Variants in WAC observed in about 807,000 individuals in gnomAD.
WAC encodes the protein WW domain containing adaptor with coiled-coil, also known as WW domain-containing adapter protein with coiled-coil.
A neutral mutation model predicts 79.6 loss-of-function variants in WAC; 11 were observed. The observed-to-expected ratio is 0.14, with a 90% CI of 0.09 to 0.23. The LOEUF is 0.23. WAC is among the 10% of genes least tolerant of loss of function. The pLI, the probability that WAC is intolerant of heterozygous loss-of-function variation, is 1.00. For synonymous variants in WAC, 304 were observed against 276.9 expected, an observed-to-expected ratio of 1.10 and a Z score of -0.97; for missense variants, 728 against 773.5, an observed-to-expected ratio of 0.94 and a Z score of 0.70.
intron 3 of WAC, among the ~76,000 whole-genome samples, chr10:28,560,301 T>A (rs929345319): frequency 2.0e-5 from 3 of 152,102 alleles, no homozygotes; most frequent in African/African-American, 4.8e-5. Flanking sequence ...CTAGGAGGTC[T>A]AGCGAGCCGT....
chr10:28,586,361 G>A (rs1488915826), intron 4 of WAC, among the ~76,000 whole-genome samples: 1 of 152,060 alleles, frequency 6.6e-6, no homozygotes, highest in Non-Finnish European at 1.5e-5. Flanking sequence ...GAAAAGCTTG[G>A]TGAATGCCTC....
chr10:28,583,299 T>C (rs1018125352), intron 3 of WAC, 100 bp from the exon 4 acceptor site: 1 of 839,186 alleles, frequency 1.2e-6, no homozygotes, highest in Non-Finnish European at 1.8e-6. Context: ...AAGATGTTCG[T>C]TTAGAGATAT....
At chr10:28,562,075 A>G (rs1158867092) in intron 3 of WAC, among the ~76,000 whole-genome samples, 1 of 152,070 alleles carries the variant, frequency 6.6e-6, no homozygotes, top group African/African-American at 2.4e-5. Flanking sequence ...TTTCTTTTTG[A>G]GATGGAGTCA....
At chr10:28,585,172 C>T (rs534712487) in intron 4 of WAC, among the ~76,000 whole-genome samples, 1 of 152,118 alleles carries the variant, frequency 6.6e-6, no homozygotes, top group African/African-American at 2.4e-5. Flanking sequence ...GTAACACATA[C>T]AGTAATCACC....
At chr10:28,559,135 G>GGTGT (rs750941388) in intron 3 of WAC, among the ~76,000 whole-genome samples, 208 of 64,804 alleles carry the variant, frequency 3.2e-3, no homozygotes, top group South Asian at 0.015. Flanking sequence ...CGAGAAACCT[G>GGTGT]ATGTGTGTGT....
intron 7 of WAC, among the ~76,000 whole-genome samples, chr10:28,605,051 G>A (rs1034062774): frequency 2.0e-5 from 3 of 152,166 alleles, no homozygotes; most frequent in African/African-American, 4.8e-5. Flanking sequence ...TTGGAAGGAC[G>A]TTTGTATGTG....
chr10:28,533,593 C>A lies in WAC; in HGVS notation c.14C>A (p.Ala5Glu). 6.3e-7 allele frequency: 1 copy of A among 1,586,742 alleles called. No individual in the cohort carries two copies. The highest frequency in any genetic ancestry group is 8.6e-7 in the Non-Finnish European group (1 of 1,166,084). Reference protein sequence around the residue: MVMYARKQQRLSDGC... With the variant: MVMYERKQQRLSDGC... ...GGCCGGGCATTGATGGTAATGTATG[C>A]GAGGAAACAGCAGAGACTCAGTGAT... is the stretch of plus-strand genomic sequence containing the variant. The change falls in exon 1 of 14, where the codon GCG (alanine) becomes GAG (glutamate). Residue 5 changes from alanine (A) to glutamate (E), a missense_variant. Ala to Glu is a moderately radical substitution (Grantham distance 107). This residue lies in a region of WAC where 648 missense variants were observed against 661.5 expected (regional missense o/e 0.98). Coordinates refer to ENST00000354911, the MANE Select transcript of WAC (RefSeq NM_016628.5).
intron 10 of WAC, among the ~76,000 whole-genome samples, chr10:28,613,477 G>A (rs1232809258): frequency 1.3e-5 from 2 of 152,126 alleles, no homozygotes; most frequent in East Asian, 3.9e-4. Flanking sequence ...CTGCACTTGA[G>A]AGTAGGCAAC....
intron 3 of WAC, among the ~76,000 whole-genome samples, chr10:28,567,026 GTACTT>G (rs1481905245): frequency 1.3e-5 from 2 of 149,520 alleles, no homozygotes; most frequent in Non-Finnish European, 3.0e-5. Context: ...TTATCTCTAA[GTACTT>G]TACATTTTTG....
At position 28,621,669 on chromosome 10, in the gene WAC, T is replaced by C. The variant is rs1180306773; in HGVS notation, c.*2063T>C. ...GTTCAGCTAGAAACCTTACTGTATC[T>C]TTCCTGGAAAGAAGTGAGCAATTTG... On this transcript the variant is annotated 3_prime_UTR_variant, in exon 14 of 14. Transcript: ENST00000354911. 1 of 152,220 alleles carries C rather than the reference T, an allele frequency of 6.6e-6. No individual in the cohort carries two copies. The allele number at this position is 152,220 out of a possible 1,614,324, so 9.4% of individuals were successfully genotyped here.
chr10:28,553,310 G>T (rs1837798994), intron 3 of WAC, among the ~76,000 whole-genome samples: 1 of 152,048 alleles, frequency 6.6e-6, no homozygotes, highest in Non-Finnish European at 1.5e-5. Context: ...TGTTAATACA[G>T]CTTTCAATTT....
intron 6 of WAC, chr10:28,591,683 G>A (rs557935265): frequency 7.2e-5 from 11 of 152,144 alleles, no homozygotes; most frequent in African/African-American, 2.4e-4. Flanking sequence ...GCAACATGGC[G>A]AGACCCAGTG....
intron 2 of WAC, chr10:28,535,335 G>GT (rs1292434190): frequency 9.3e-5 from 27 of 291,438 alleles, no homozygotes; most frequent in Non-Finnish European, 1.5e-4. Context: ...AATGGAGTGG[G>GT]TTTTTTTTGT....
At chr10:28,537,547 AT>A (rs2132320601) in intron 3 of WAC, 1 of 152,318 alleles carries the variant, frequency 6.6e-6, no homozygotes, top group South Asian at 2.1e-4. Flanking sequence ...GCTTTCAATC[AT>A]TTCCAGCAAA....
At chr10:28,603,600 A>G (rs1230416757) in intron 7 of WAC, among the ~76,000 whole-genome samples, 1 of 152,104 alleles carries the variant, frequency 6.6e-6, no homozygotes, top group Non-Finnish European at 1.5e-5. Flanking sequence ...AACAAATTAG[A>G]CAAAAAGGTT....
At chr10:28,558,189 TAGAG>T (rs1838103759) in intron 3 of WAC, among the ~76,000 whole-genome samples, 1 of 152,236 alleles carries the variant, frequency 6.6e-6, no homozygotes, top group Admixed American at 6.5e-5. Flanking sequence ...ACTCAATCTT[TAGAG>T]AGAAAACTTT....
At chr10:28,535,531 T>G (rs1182518483) in intron 2 of WAC, 31 bp from the exon 3 acceptor site, 3 of 1,527,652 alleles carry the variant, frequency 2.0e-6, no homozygotes, top group East Asian at 2.4e-5. Context: ...CAATTCTTTC[T>G]CTCTTTTTTT....
chr10:28,601,652 C>T (rs1300914170), intron 7 of WAC, among the ~76,000 whole-genome samples: 1 of 152,092 alleles, frequency 6.6e-6, no homozygotes, highest in Non-Finnish European at 1.5e-5. Context: ...TAGAAACAAT[C>T]AAGTGTTCAT....
intron 3 of WAC, among the ~76,000 whole-genome samples, chr10:28,582,080 T>A (rs777202973): frequency 2.0e-4 from 30 of 152,248 alleles, no homozygotes; most frequent in Non-Finnish European, 4.4e-4. Flanking sequence ...TTTGATCTTT[T>A]GTGACATCAC....
Sources: allele counts gnomAD v4.1 joint callset (sites outside exome capture counted in the v4.1 genomes callset), GRCh38; gene constraint gnomAD v4.1.1; regional missense constraint gnomAD v4.1.1; transcripts MANE v1.5; gene names NCBI Gene and HGNC (gene_info 2026-07-23, HGNC 2026-07-21).